The following ZNF462 variants were observed in gnomAD, a reference collection of about 807,000 sequenced individuals.
ZNF462 encodes the protein zinc finger PBX1-interacting protein.
A neutral mutation model predicts 201.9 loss-of-function variants in ZNF462; 10 were observed. The observed-to-expected ratio is 0.05, with a 90% CI of 0.03 to 0.08. The LOEUF is 0.08. ZNF462 is among the 10% of genes least tolerant of loss of function. ZNF462 has a pLI of 1.00. For missense variants in ZNF462, 2,523 were observed against 3,168.3 expected (o/e 0.80, Z 4.89); for synonymous variants, 1,227 against 1,193.3 (o/e 1.03, Z -0.58).
Position 107,011,865 on chromosome 9 carries a change from T to C in ZNF462, c.*835T>C, listed in dbSNP as rs538386643. 1 of 152,270 alleles carries C rather than the reference T, an allele frequency of 6.6e-6. No homozygotes were observed. The highest frequency in any genetic ancestry group is 1.9e-4 in the East Asian group (1 of 5,186). The allele number at this position is 152,270 out of a possible 1,614,324, so 9.4% of individuals were successfully genotyped here. ...GCTGTTTATTAGTGTTCAACTATAA[T>C]TTAGAATTTGGTAGATTCATGTGAG... On this transcript the variant is annotated 3_prime_UTR_variant, in exon 13 of 13. Coordinates refer to ENST00000277225, the MANE Select transcript of ZNF462 (RefSeq NM_021224.6). The surrounding 1 kb of genome is among the most constrained non-coding windows in gnomAD (Gnocchi z 5.6).
intron 1 of ZNF462, among the ~76,000 whole-genome samples, chr9:106,868,012 G>T (rs1401616630): frequency 1.3e-5 from 2 of 151,268 alleles, no homozygotes; most frequent in Non-Finnish European, 2.9e-5. Flanking sequence ...GGGATGATTG[G>T]TATATTCAGC....
At chr9:106,983,491 A>G (rs985191349) in intron 9 of ZNF462, among the ~76,000 whole-genome samples, 1 of 152,198 alleles carries the variant, frequency 6.6e-6, no homozygotes, top group Non-Finnish European at 1.5e-5. Flanking sequence ...CCTTAGTTTC[A>G]AAAGGAGGGA....
At chr9:106,948,441 A>C (rs1831202190) in intron 7 of ZNF462, among the ~76,000 whole-genome samples, 1 of 152,168 alleles carries the variant, frequency 6.6e-6, no homozygotes, top group African/African-American at 2.4e-5. Flanking sequence ...GGTAGTAGTC[A>C]CCTTCTTTTG....
rs1829906019 is a variant in ZNF462 at position 106,919,549 on chromosome 9, A to G, written c.-30-3805A>G. ...TTGACATCATCTCTGGATGTTCTTT[A>G]TATCTTAAAGAGTTTGTCAAACATA... On this transcript the variant is annotated intron_variant, in intron 1 of 12. Transcript: ENST00000277225. This position sits in a 1 kb window ranked among gnomAD's most constrained non-coding sequence, Gnocchi z 4.5. Among the ~76,000 whole-genome samples the G allele has an allele frequency of 6.6e-6, 1 of 152,216 alleles. No homozygotes were observed. The highest frequency in any genetic ancestry group is 2.4e-5 in the African/African-American group (1 of 41,450).
chr9:106,959,537 A>G (rs1351865603), intron 7 of ZNF462, among the ~76,000 whole-genome samples: 1 of 152,104 alleles, frequency 6.6e-6, no homozygotes, highest in African/African-American at 2.4e-5. Flanking sequence ...AGAGCACCCT[A>G]TGAAGTTGCC....
Position 106,928,925 on chromosome 9 carries a change from G to A in ZNF462, c.5013G>A (p.Thr1671=), listed in dbSNP as rs116985783. 3.3e-3 allele frequency: 5,404 copies of A among 1,613,978 alleles called. 16 individuals are homozygous for A. The highest frequency in any genetic ancestry group is 4.3e-3 in the Non-Finnish European group (5,130 of 1,180,018). ...AGCTCTGCAAGTACTTCTGCTCCAC[G>A]AGGAAGGGGATCGCCAGGCACTACC... ...RCQLCKYFCS[T]RKGIARHYRI... The change falls in exon 3 of 13, where the codon ACG becomes ACA. Residue 1671 remains threonine, a synonymous_variant. Coordinates refer to ENST00000277225, the MANE Select transcript of ZNF462 (RefSeq NM_021224.6). This position sits in a 1 kb window ranked among gnomAD's most constrained non-coding sequence, Gnocchi z 9.3.
chr9:106,995,445 T>C (rs1828632992), intron 10 of ZNF462: 1 of 152,198 alleles, frequency 6.6e-6, no homozygotes, highest in African/African-American at 2.4e-5. Flanking sequence ...TACTTTTTCT[T>C]TCTCATTCCT....
intron 1 of ZNF462, among the ~76,000 whole-genome samples, chr9:106,901,888 T>C (rs941660942): frequency 2.0e-5 from 3 of 152,124 alleles, no homozygotes; most frequent in Non-Finnish European, 2.9e-5. Context: ...GGCTTCCTCT[T>C]TACCGATTTG....
In ZNF462 at chr9:106,962,249, T is replaced by TA. The variant is rs1447127325; in HGVS notation, c.6428-9755dup. Reference sequence around the variant, plus strand: ...TGGGCTAGTGAGTGGATCACAGAGATAGAGTTTCTCAGGAGGCTGAACCAA... The same window carrying TA: ...TGGGCTAGTGAGTGGATCACAGAGATAAGAGTTTCTCAGGAGGCTGAACCAA... On this transcript the variant is annotated intron_variant, in intron 7 of 12. Coordinates refer to ENST00000277225, the MANE Select transcript of ZNF462 (RefSeq NM_021224.6). The surrounding 1 kb of genome is among the most constrained non-coding windows in gnomAD (Gnocchi z 4.6). Among the ~76,000 whole-genome samples, 2 of 152,160 alleles carry TA rather than the reference T, an allele frequency of 1.3e-5. No homozygotes were observed. Among genetic ancestry groups the TA allele is most frequent in the Admixed American group, 1.3e-4 (2 of 15,272 alleles).
intron 9 of ZNF462, among the ~76,000 whole-genome samples, chr9:106,980,162 C>T (rs1827311517): frequency 1.3e-5 from 2 of 152,118 alleles, no homozygotes; most frequent in Admixed American, 6.5e-5. Context: ...GGATGGCAGC[C>T]TGGCTAACAT....
rs1241591273 is a variant in ZNF462, at chr9:107,005,010, C to A, written c.7189+1584C>A. Among the ~76,000 whole-genome samples the A allele has an allele frequency of 6.6e-6, 1 of 152,098 alleles. No homozygotes were observed. Among genetic ancestry groups the A allele is most frequent in the African/African-American group, 2.4e-5 (1 of 41,414 alleles). On this transcript the variant is annotated intron_variant, in intron 11 of 12. Coordinates refer to ENST00000277225, the MANE Select transcript of ZNF462 (RefSeq NM_021224.6). The surrounding 1 kb of genome is among the most constrained non-coding windows in gnomAD (Gnocchi z 4.4). ...GTCTCATTTCACTTAATGTAATGTT[C>A]TACAAGTTTATCTATGTTGTCACAA...
At position 106,954,279 on chromosome 9, in the gene ZNF462, A is replaced by G. The variant is rs1253748239; in HGVS notation, c.6427+15172A>G. On this transcript the variant is annotated intron_variant, in intron 7 of 12. Coordinates refer to ENST00000277225, the MANE Select transcript of ZNF462 (RefSeq NM_021224.6). This position sits in a 1 kb window ranked among gnomAD's most constrained non-coding sequence, Gnocchi z 4.0. The stretch of plus-strand genomic sequence containing the variant: ...GTGGAAGGCAAAGGGGGAGCAAGGC[A>G]CATCTTATATGGTGGCAGGAGAGAG... Among the ~76,000 whole-genome samples the G allele has an allele frequency of 6.6e-6, 1 of 152,134 alleles. No individual in the cohort carries two copies. The highest frequency in any genetic ancestry group is 1.5e-5 in the Non-Finnish European group (1 of 68,018).
intron 6 of ZNF462, among the ~76,000 whole-genome samples, chr9:106,937,157 T>G (rs1830664748): frequency 6.6e-6 from 1 of 152,086 alleles, no homozygotes; most frequent in Non-Finnish European, 1.5e-5. Context: ...GAATTCTCTC[T>G]CAGGTCGTGC....
At chr9:106,988,215 G>A (rs1044740360) in intron 10 of ZNF462, among the ~76,000 whole-genome samples, 3 of 152,142 alleles carry the variant, frequency 2.0e-5, no homozygotes, top group Admixed American at 2.0e-4. Flanking sequence ...CACAATCATG[G>A]CAGAAGGCAA....
chr9:107,003,170 G>A lies in ZNF462; in HGVS notation c.7057-124G>A. 1.5e-6 allele frequency: 2 copies of A among 1,317,828 alleles called. No homozygotes were observed. The highest frequency in any genetic ancestry group is 3.0e-5 in the South Asian group (2 of 66,298). The allele number at this position is 1,317,828 out of a possible 1,614,324, so 81.6% of individuals were successfully genotyped here. ...AGAAAAAGACCTCTTAGGCCCCGGA[G>A]TTGTTTGGTCCTGGTTGCAAAACCA... is the stretch of plus-strand genomic sequence containing the variant. On this transcript the variant is annotated intron_variant, in intron 10 of 12. Transcript: ENST00000277225. The surrounding 1 kb of genome is among the most constrained non-coding windows in gnomAD (Gnocchi z 4.4).
Position 106,938,773 on chromosome 9 carries a change from G to T in ZNF462, c.6236-143G>T. 1.3e-6 allele frequency: 1 copy of T among 778,134 alleles called. No individual in the cohort carries two copies. The highest frequency in any genetic ancestry group is 2.7e-5 in the East Asian group (1 of 37,264). The allele number at this position is 778,134 out of a possible 1,614,324, so 48.2% of individuals were successfully genotyped here. A position where few individuals can be genotyped will look rare whatever the true frequency, so the allele number is the denominator to read the frequency against. ...GTACTGTGGTTGTGGCAGGTTGTTG[G>T]TCTGTGAGGTTCGTTCATAGAACAT... On this transcript the variant is annotated intron_variant, in intron 6 of 12. Transcript: ENST00000277225. This position sits in a 1 kb window ranked among gnomAD's most constrained non-coding sequence, Gnocchi z 4.4.
intron 7 of ZNF462, among the ~76,000 whole-genome samples, chr9:106,965,707 CA>C (rs1370377943): frequency 6.6e-6 from 1 of 151,926 alleles, no homozygotes; most frequent in East Asian, 1.9e-4. Context: ...TTCAGGAGTC[CA>C]TCAGACACAA....
In ZNF462 at chr9:106,928,874, G is replaced by T. The variant is rs748145665; in HGVS notation, c.4962G>T (p.Leu1654=). ...VSTSHFSTSH[L]VSHTVFRCQL... ...CTTCTCACTTCTCTACCTCCCACCT[G>T]GTCTCCCACACTGTGTTCCGGTGCC... Residue 1654 remains leucine, a synonymous_variant, in exon 3 of 13, where the codon CTG becomes CTT. Transcript: ENST00000277225. This position sits in a 1 kb window ranked among gnomAD's most constrained non-coding sequence, Gnocchi z 9.3. 1 of 1,613,994 alleles carries T rather than the reference G, an allele frequency of 6.2e-7. No homozygotes were observed.
chr9:106,944,358 G>A (rs1338954914), intron 7 of ZNF462, among the ~76,000 whole-genome samples: 1 of 152,002 alleles, frequency 6.6e-6, no homozygotes, highest in Non-Finnish European at 1.5e-5. Context: ...ACAATATATT[G>A]GTTAGAAGAA....
Sources: gnomAD v4.1 joint callset for allele counts (sites outside exome capture counted in the v4.1 genomes callset) on GRCh38, gnomAD v4.1.1 for gene constraint, Gnocchi (gnomAD v3.1) non-coding constraint, MANE v1.5 for transcripts, NCBI Gene and HGNC (gene_info 2026-07-23, HGNC 2026-07-21) for gene names.